The following TTLL11 variants were observed in gnomAD, a reference collection of about 807,000 sequenced individuals.
TTLL11 encodes the protein tubulin polyglutamylase TTLL11.
In TTLL11, 42 loss-of-function variants were observed where a neutral mutation model predicts 51.7. The observed-to-expected ratio is 0.81, with a 90% CI of 0.64 to 1.05. The LOEUF is 1.05. TTLL11 is among the 50% of genes least tolerant of loss of function. TTLL11 has a pLI of 0.00. For missense variants in TTLL11, 799 were observed against 940.4 expected, an observed-to-expected ratio of 0.85 and a Z score of 1.97; for synonymous variants, 381 against 383.5, an observed-to-expected ratio of 0.99 and a Z score of 0.08.
chr9:122,001,821 C>T (rs1349416162), intron 3 of TTLL11, among the ~76,000 whole-genome samples: 3 of 152,222 alleles, frequency 2.0e-5, no homozygotes, highest in African/African-American at 4.8e-5. Context: ...TGATCATTTA[C>T]ACCATGAGAG....
At position 121,870,612 on chromosome 9, in the gene TTLL11, C is replaced by A. The variant is rs571306604; in HGVS notation, c.1618G>T (p.Ala540Ser). 1.9e-6 allele frequency: 3 copies of A among 1,551,608 alleles called. No homozygotes were observed. Among genetic ancestry groups the A allele is most frequent in the African/African-American group, 1.4e-5 (1 of 73,018 alleles). Residue 540 changes from alanine (A) to serine (S), a missense_variant, in exon 7 of 9, where the codon GCA (alanine) becomes TCA (serine). By Grantham distance (99) the Ala-to-Ser change is moderately conservative (BLOSUM62 1). Around this residue, in one of 3 missense-constraint regions of TTLL11, gnomAD observed 468 missense variants for 612.8 expected, o/e 0.76. Transcript: ENST00000321582. ...ICLKQVFPKY[A>S]KQFNYLRLVD... ...AGGCGCAGGTAGTTGAACTGTTTTG[C>A]GTACTTGGGGAACACCTGCTTGAGG...
chr9:121,822,996 C>A lies in TTLL11; in HGVS notation c.1841-117G>T. 8.2e-7 allele frequency: 1 copy of A among 1,218,880 alleles called. No individual in the cohort carries two copies. Among genetic ancestry groups the A allele is most frequent in the Non-Finnish European group, 1.1e-6 (1 of 894,242 alleles). 75.5% of individuals were successfully genotyped at this position (1,218,880 alleles called of 1,614,324 possible). A position where few individuals can be genotyped will look rare whatever the true frequency, so the allele number is the denominator to read the frequency against. ...AGCTAGCCCCGCTCCCCACCACCGT[C>A]TCCATTCCAGAAACTCCTAACAGGG... On this transcript the variant is annotated intron_variant, in intron 8 of 8. Coordinates refer to ENST00000321582, the MANE Select transcript of TTLL11 (RefSeq NM_001139442.2). This position sits in a 1 kb window ranked among gnomAD's most constrained non-coding sequence, Gnocchi z 5.8.
intron 6 of TTLL11, among the ~76,000 whole-genome samples, chr9:121,872,396 A>C (rs1035949611): frequency 2.0e-5 from 3 of 152,318 alleles, no homozygotes; most frequent in South Asian, 2.1e-4. Context: ...TTGTGAGCTC[A>C]TTGAAGGCCT....
At chr9:122,046,400 A>C (rs1845003830) in intron 1 of TTLL11, among the ~76,000 whole-genome samples, 1 of 151,926 alleles carries the variant, frequency 6.6e-6, no homozygotes, top group African/African-American at 2.4e-5. Context: ...CAGCCTGTGA[A>C]CCATGAGCCA....
chr9:121,868,319 C>T (rs4837907), intron 7 of TTLL11, among the ~76,000 whole-genome samples: 111,455 of 152,090 alleles, frequency 0.73, 41,455 homozygotes, highest in East Asian at 0.9. Context: ...GCCTACCTAT[C>T]TGTTCTCTTC....
At chr9:122,061,328 T>G (rs549373902) in intron 1 of TTLL11, among the ~76,000 whole-genome samples, 12 of 152,098 alleles carry the variant, frequency 7.9e-5, no homozygotes, top group Non-Finnish European at 1.5e-4. Flanking sequence ...TATCTTTTTT[T>G]GGGGGGGCAC....
chr9:122,006,236 G>C (rs1289305382), intron 3 of TTLL11, among the ~76,000 whole-genome samples: 1 of 151,972 alleles, frequency 6.6e-6, no homozygotes, highest in Non-Finnish European at 1.5e-5. Flanking sequence ...AACTACTCAG[G>C]AGGCTGAAGC....
intron 3 of TTLL11, among the ~76,000 whole-genome samples, chr9:122,019,834 T>C (rs759795808): frequency 2.0e-5 from 3 of 152,200 alleles, no homozygotes; most frequent in Admixed American, 6.5e-5. Flanking sequence ...AACTGAATCA[T>C]AGGGGCAGTT....
At chr9:121,879,506 A>C (rs1838695376) in intron 6 of TTLL11, among the ~76,000 whole-genome samples, 1 of 152,222 alleles carries the variant, frequency 6.6e-6, no homozygotes, top group Non-Finnish European at 1.5e-5. Flanking sequence ...AGAAAAAGTC[A>C]GATTTTGAGT....
intron 6 of TTLL11, among the ~76,000 whole-genome samples, chr9:121,900,460 C>T (rs35718071): frequency 0.46 from 70,202 of 151,970 alleles, 16,751 homozygotes; most frequent in South Asian, 0.58. Context: ...TATATCTACC[C>T]GTGGATTTCT....
intron 6 of TTLL11, among the ~76,000 whole-genome samples, chr9:121,872,607 CG>C (rs1838395248): frequency 6.6e-6 from 1 of 152,190 alleles, no homozygotes; most frequent in Non-Finnish European, 1.5e-5. Context: ...CCTGTACGAA[CG>C]GTCCTCTCTT....
In TTLL11 at chr9:121,863,684, G is replaced by C. The variant is rs532355777; in HGVS notation, c.1734-3241C>G. Reference sequence around the variant, plus strand: ...AATGCAAATGCCTTAAAAGAATCTTGATTCTGTAGGCATTTCTTGGGCACT... The same window carrying C: ...AATGCAAATGCCTTAAAAGAATCTTCATTCTGTAGGCATTTCTTGGGCACT... On this transcript the variant is annotated intron_variant, in intron 7 of 8. Transcript: ENST00000321582. Among the ~76,000 whole-genome samples, 7 of 152,318 alleles carry C rather than the reference G, an allele frequency of 4.6e-5. No homozygotes were observed. In the East Asian group the frequency reaches 9.6e-4, roughly 21 times the overall value.
At chr9:122,001,424 GTTA>G (rs964195585) in intron 3 of TTLL11, among the ~76,000 whole-genome samples, 3 of 149,110 alleles carry the variant, frequency 2.0e-5, no homozygotes, top group Admixed American at 6.8e-5. Flanking sequence ...TCTTAATAAT[GTTA>G]CAAATAAGGA....
At chr9:122,016,776 A>T (rs1843996624) in intron 3 of TTLL11, among the ~76,000 whole-genome samples, 1 of 152,178 alleles carries the variant, frequency 6.6e-6, no homozygotes, top group South Asian at 2.1e-4. Flanking sequence ...TCAGTGAAAA[A>T]TTCTTCTGCT....
chr9:122,000,426 C>T (rs952686065), intron 3 of TTLL11, among the ~76,000 whole-genome samples: 6 of 138,576 alleles, frequency 4.3e-5, no homozygotes, highest in African/African-American at 1.6e-4. Context: ...GAGCCGAGAT[C>T]TCACCACTGC....
chr9:121,962,931 C>T (rs1842282929), intron 6 of TTLL11, among the ~76,000 whole-genome samples: 1 of 152,228 alleles, frequency 6.6e-6, no homozygotes, highest in Admixed American at 6.5e-5. Context: ...CTTGGATAGG[C>T]ATGAACCCAA....
At chr9:121,858,762 A>T (rs529607467) in intron 8 of TTLL11, among the ~76,000 whole-genome samples, 217 of 152,336 alleles carry the variant, frequency 1.4e-3, no homozygotes, top group Non-Finnish European at 2.5e-3. Flanking sequence ...CCTGGAGAGC[A>T]GGGATTGTTG....
At chr9:121,973,378 C>T (rs1006518509) in intron 6 of TTLL11, among the ~76,000 whole-genome samples, 9 of 152,100 alleles carry the variant, frequency 5.9e-5, no homozygotes, top group Non-Finnish European at 1.3e-4. Flanking sequence ...TACCTATGGC[C>T]CTCTTCTCCT....
intron 6 of TTLL11, among the ~76,000 whole-genome samples, chr9:121,873,140 A>G (rs1381836169): frequency 1.3e-5 from 2 of 152,192 alleles, no homozygotes; most frequent in African/African-American, 4.8e-5. Context: ...ACACTCAATA[A>G]CAACGAAAAT....
Sources: gnomAD v4.1 joint callset for allele counts (sites outside exome capture counted in the v4.1 genomes callset) on GRCh38, gnomAD v4.1.1 for gene constraint, gnomAD v4.1.1 regional missense constraint, Gnocchi (gnomAD v3.1) non-coding constraint, MANE v1.5 for transcripts, NCBI Gene and HGNC (gene_info 2026-07-23, HGNC 2026-07-21) for gene names.